SPAG16: variants seen among roughly 807,000 people sequenced by gnomAD.
SPAG16 encodes sperm-associated antigen 16 protein.
In SPAG16, 86 loss-of-function variants were observed where a neutral mutation model predicts 80.4. That is an observed-to-expected ratio of 1.07 (90% CI 0.90 to 1.28). The LOEUF (loss-of-function observed/expected upper bound fraction) is 1.28. Ranked by LOEUF, SPAG16 falls within the 50% of genes most tolerant of loss-of-function variation. The pLI, the probability that SPAG16 is intolerant of heterozygous loss-of-function variation, is 0.00. For missense variants in SPAG16, 870 were observed against 765.3 expected, an observed-to-expected ratio of 1.14 and a Z score of -1.61; for synonymous variants, 294 against 265.9, an observed-to-expected ratio of 1.11 and a Z score of -1.03.
intron 10 of SPAG16, among the ~76,000 whole-genome samples, chr2:213,695,683 C>A (rs1410024127): frequency 6.6e-6 from 1 of 152,152 alleles, no homozygotes; most frequent in East Asian, 1.9e-4. Context: ...CAAGAAGGAG[C>A]CAGCCATGAG....
intron 11 of SPAG16, among the ~76,000 whole-genome samples, chr2:213,897,686 C>T (rs1201956215): frequency 6.6e-6 from 1 of 152,202 alleles, no homozygotes; most frequent in African/African-American, 2.4e-5. Flanking sequence ...TCATCACACG[C>T]GGTGCTAATC....
intron 10 of SPAG16, among the ~76,000 whole-genome samples, chr2:213,690,381 A>C (rs1183792102): frequency 6.6e-6 from 1 of 152,226 alleles, no homozygotes; most frequent in Non-Finnish European, 1.5e-5. Context: ...CTGTGTCCTT[A>C]CACTGCCTCC....
At chr2:213,469,295 T>C (rs2072933874) in intron 9 of SPAG16, among the ~76,000 whole-genome samples, 1 of 152,160 alleles carries the variant, frequency 6.6e-6, no homozygotes, top group African/African-American at 2.4e-5. Flanking sequence ...CCAACCCAAA[T>C]ACTATTACAT....
intron 10 of SPAG16, among the ~76,000 whole-genome samples, chr2:213,580,815 CA>C (rs1255352430): frequency 1.3e-5 from 2 of 152,088 alleles, no homozygotes; most frequent in East Asian, 3.9e-4. Flanking sequence ...CATTTTAATA[CA>C]AATTTATAGG....
In SPAG16 at chr2:213,760,599, C is replaced by T. The variant is rs77095534; in HGVS notation, c.1071-101886C>T. 2.1e-3 allele frequency among the ~76,000 whole-genome samples: 324 copies of T among 151,736 alleles called. 2 individuals are homozygous for T. The highest frequency in any genetic ancestry group is 7.3e-3 in the African/African-American group (304 of 41,404). ...TCTGTGCAACAACAGCGTACACATT[C>T]TTCTCAAGTGTACATGGTACATTTT... On this transcript the variant is annotated intron_variant, in intron 10 of 15. Transcript: ENST00000331683.
At chr2:214,379,254 C>CAAAGT (rs1302083312) in intron 15 of SPAG16, among the ~76,000 whole-genome samples, 2 of 152,120 alleles carry the variant, frequency 1.3e-5, no homozygotes, top group African/African-American at 2.4e-5. Flanking sequence ...ACTCTGTAGT[C>CAAAGT]AAAGTAACAG....
chr2:213,444,131 C>T (rs1311103159), intron 9 of SPAG16, among the ~76,000 whole-genome samples: 2 of 152,152 alleles, frequency 1.3e-5, no homozygotes, highest in African/African-American at 2.4e-5. Flanking sequence ...AACGCTGAAT[C>T]ATTTTCTGTT....
intron 9 of SPAG16, among the ~76,000 whole-genome samples, chr2:213,429,564 T>C (rs1308101680): frequency 6.6e-6 from 1 of 152,230 alleles, no homozygotes; most frequent in Non-Finnish European, 1.5e-5. Context: ...CAAAATTTAC[T>C]GGCAGAAGTG....
chr2:213,316,922 A>C lies in SPAG16; in HGVS notation c.399-297A>C, dbSNP rs1316557813. ...CTTATCACCCTCCCCACTAGAATGGAAACTCCATGAAATAGGGACGTAGAC... is the reference window on the plus strand; with the variant it reads ...CTTATCACCCTCCCCACTAGAATGGCAACTCCATGAAATAGGGACGTAGAC... On this transcript the variant is annotated intron_variant, in intron 4 of 15. Coordinates refer to ENST00000331683, the MANE Select transcript of SPAG16 (RefSeq NM_024532.5). Among the ~76,000 whole-genome samples the C allele has an allele frequency of 2.6e-5, 4 of 152,042 alleles. No homozygotes were observed. The East Asian group carries it at 7.7e-4, about 29-fold the overall frequency.
chr2:214,211,433 T>C lies in SPAG16; in HGVS notation c.1720+62167T>C, dbSNP rs1244999957. Among the ~76,000 whole-genome samples, 3 of 152,336 alleles carry C rather than the reference T, an allele frequency of 2.0e-5. No individual in the cohort carries two copies. In the East Asian group the frequency reaches 5.8e-4, roughly 29 times the overall value. ...ATATTGCTAACTCCTCAGGATCTTT[T>C]CAGAATGAAGTGAAATAATGTGAGT... is the stretch of plus-strand genomic sequence containing the variant. On this transcript the variant is annotated intron_variant, in intron 15 of 15. Coordinates refer to ENST00000331683, the MANE Select transcript of SPAG16 (RefSeq NM_024532.5).
intron 4 of SPAG16, among the ~76,000 whole-genome samples, chr2:213,314,669 A>G (rs2063329742): frequency 6.6e-6 from 1 of 151,868 alleles, no homozygotes; most frequent in Admixed American, 6.6e-5. Context: ...ATCACATACT[A>G]TTTTATTTAT....
intron 12 of SPAG16, among the ~76,000 whole-genome samples, chr2:213,948,835 A>G (rs2079580461): frequency 6.6e-6 from 1 of 152,118 alleles, no homozygotes; most frequent in Non-Finnish European, 1.5e-5. Flanking sequence ...TTTCTGTTAC[A>G]TTTTTTGCCA....
intron 9 of SPAG16, among the ~76,000 whole-genome samples, chr2:213,420,019 A>G (rs1559114509): frequency 1.3e-5 from 2 of 148,826 alleles, no homozygotes. Context: ...CTAAGTATAT[A>G]CAAGATATTT....
chr2:214,379,566 C>T (rs1700332807), intron 15 of SPAG16, among the ~76,000 whole-genome samples: 1 of 152,212 alleles, frequency 6.6e-6, no homozygotes, highest in African/African-American at 2.4e-5. Context: ...TCATGTCCTA[C>T]AGGGAGGCTA....
intron 15 of SPAG16, among the ~76,000 whole-genome samples, chr2:214,360,123 A>G (rs1205752151): frequency 6.6e-6 from 1 of 151,898 alleles, no homozygotes; most frequent in Non-Finnish European, 1.5e-5. Flanking sequence ...TGGACAGGAT[A>G]TAACGAATAA....
At chr2:214,009,725 G>A (rs1227783566) in intron 12 of SPAG16, among the ~76,000 whole-genome samples, 4 of 152,120 alleles carry the variant, frequency 2.6e-5, no homozygotes, top group Non-Finnish European at 4.4e-5. Context: ...AGAGATACAC[G>A]TCAGGGATTG....
intron 11 of SPAG16, among the ~76,000 whole-genome samples, chr2:213,909,028 G>T (rs1189471589): frequency 6.7e-6 from 1 of 150,068 alleles, no homozygotes; most frequent in South Asian, 2.1e-4. Flanking sequence ...TGCGGTGTTT[G>T]TTTTTTTATC....
chr2:213,353,383 G>A (rs74371214), intron 7 of SPAG16, among the ~76,000 whole-genome samples: 3,627 of 151,070 alleles, frequency 0.024, 62 homozygotes, highest in African/African-American at 0.04. Flanking sequence ...CAAGCCATGA[G>A]CAATTTGAAA....
intron 15 of SPAG16, among the ~76,000 whole-genome samples, chr2:214,313,545 T>C (rs72952025): frequency 0.17 from 25,175 of 152,186 alleles, 2,418 homozygotes; most frequent in Middle Eastern, 0.24. Flanking sequence ...GTCAGTGTAC[T>C]GCCCTGGCAC....
Sources: allele counts gnomAD v4.1 joint callset (sites outside exome capture counted in the v4.1 genomes callset), GRCh38; gene constraint gnomAD v4.1.1; transcripts MANE v1.5; gene names NCBI Gene and HGNC (gene_info 2026-07-23, HGNC 2026-07-21).